The following SRRM4 variants were observed in gnomAD, a reference collection of about 807,000 sequenced individuals.
SRRM4 encodes serine/arginine repetitive matrix 4.
In SRRM4, 33 loss-of-function variants were observed where a neutral mutation model predicts 68.9. The ratio of observed to expected loss-of-function variants is 0.48; its 90% confidence interval spans 0.36 to 0.64. The LOEUF (loss-of-function observed/expected upper bound fraction) is 0.64. Ranked by LOEUF, SRRM4 falls within the 30% of genes least tolerant of loss-of-function variation. SRRM4 has a pLI of 0.00. For missense variants in SRRM4, 817 were observed against 827.1 expected, an observed-to-expected ratio of 0.99 and a Z score of 0.15; for synonymous variants, 318 against 318.8, an observed-to-expected ratio of 1.00 and a Z score of 0.03.
At chr12:119,104,300 T>TC (rs958098117) in intron 2 of SRRM4, among the ~76,000 whole-genome samples, 31 of 152,124 alleles carry the variant, frequency 2.0e-4, no homozygotes, top group African/African-American at 7.5e-4. Flanking sequence ...TCTGAAAAAA[T>TC]GATGCCATGT....
intron 1 of SRRM4, among the ~76,000 whole-genome samples, chr12:119,059,371 C>T (rs766228248): frequency 5.3e-5 from 8 of 152,046 alleles, no homozygotes; most frequent in Admixed American, 3.3e-4. Flanking sequence ...GTTTGTTTCT[C>T]GCTATGTAGT....
In SRRM4 at chr12:119,160,705, A is replaced by G. The variant is rs1223856796; in HGVS notation, c.*3907A>G. On this transcript the variant is annotated 3_prime_UTR_variant, in exon 13 of 13. Coordinates refer to ENST00000267260, the MANE Select transcript of SRRM4 (RefSeq NM_194286.4). ...GAGGGATTTGTGAGATAAAAATTCAAAATGTTGGCCTGAGGCCTGAGAGTG... is the reference window on the plus strand; with the variant it reads ...GAGGGATTTGTGAGATAAAAATTCAGAATGTTGGCCTGAGGCCTGAGAGTG... The G allele has an allele frequency of 3.9e-5, 6 of 152,230 alleles. No individual in the cohort carries two copies. Among genetic ancestry groups the G allele is most frequent in the Non-Finnish European group, 5.9e-5 (4 of 68,042 alleles). 9.4% of individuals were successfully genotyped at this position (152,230 alleles called of 1,614,324 possible).
intron 1 of SRRM4, among the ~76,000 whole-genome samples, chr12:119,029,251 T>C (rs1953570841): frequency 1.3e-5 from 2 of 152,170 alleles, no homozygotes; most frequent in Admixed American, 1.3e-4. Flanking sequence ...ACAAGGACAG[T>C]GATTTCTCCT....
At position 119,157,533 on chromosome 12, in the gene SRRM4, G is replaced by A. The variant is rs1261679552; in HGVS notation, c.*735G>A. ...GCCCAGCAGATCCCAGCTGTGAAGA[G>A]GCCACTGCATGGCTGACACAAAACA... On this transcript the variant is annotated 3_prime_UTR_variant, in exon 13 of 13. Transcript: ENST00000267260. The surrounding 1 kb of genome is among the most constrained non-coding windows in gnomAD (Gnocchi z 4.1). The A allele has an allele frequency of 6.6e-6, 1 of 152,322 alleles. No individual in the cohort carries two copies. Among genetic ancestry groups the A allele is most frequent in the Non-Finnish European group, 1.5e-5 (1 of 68,160 alleles). 9.4% of individuals were successfully genotyped at this position (152,322 alleles called of 1,614,324 possible).
chr12:119,048,967 A>G (rs1372937845), intron 1 of SRRM4, among the ~76,000 whole-genome samples: 1 of 152,206 alleles, frequency 6.6e-6, no homozygotes, highest in Non-Finnish European at 1.5e-5. Context: ...TTGTGAGGAC[A>G]GATTCATTCA....
At position 119,153,607 on chromosome 12, in the gene SRRM4, G is replaced by C. The variant is rs1337262513; in HGVS notation, c.1349G>C (p.Arg450Thr). ...GKRSPPSRSSRSRRSPSYSRY... is the reference protein window; with the variant it reads ...GKRSPPSRSSTSRRSPSYSRY... ...AGGAGCCCGCCCAGCAGAAGCTCTA[G>C]GTCCCGCCGCAGCCCTAGCTACTCC... The change falls in exon 11 of 13, where the codon AGG (arginine) becomes ACG (threonine). Residue 450 changes from arginine (R) to threonine (T), a missense_variant. Coordinates refer to ENST00000267260, the MANE Select transcript of SRRM4 (RefSeq NM_194286.4). 1.3e-6 allele frequency: 2 copies of C among 1,569,402 alleles called. No homozygotes were observed. The highest frequency in any genetic ancestry group is 1.4e-5 in the African/African-American group (1 of 73,534).
chr12:119,044,096 A>C (rs1953689019), intron 1 of SRRM4, among the ~76,000 whole-genome samples: 1 of 152,058 alleles, frequency 6.6e-6, no homozygotes, highest in Non-Finnish European at 1.5e-5. Context: ...CGAACTCCTG[A>C]CCTCAGGTAA....
At chr12:119,003,124 A>G (rs1423447446) in intron 1 of SRRM4, among the ~76,000 whole-genome samples, 3 of 151,818 alleles carry the variant, frequency 2.0e-5, no homozygotes, top group African/African-American at 7.2e-5. Flanking sequence ...CACTGCTACC[A>G]GTTATCTCTA....
At position 119,162,828 on chromosome 12, in the gene SRRM4, C is replaced by T. The variant is rs1954523114; in HGVS notation, c.*6030C>T. 1 of 152,290 alleles carries T rather than the reference C, an allele frequency of 6.6e-6. No individual in the cohort carries two copies. Among genetic ancestry groups the T allele is most frequent in the African/African-American group, 2.4e-5 (1 of 41,460 alleles). 9.4% of individuals were successfully genotyped at this position (152,290 alleles called of 1,614,324 possible). On this transcript the variant is annotated 3_prime_UTR_variant, in exon 13 of 13. Transcript: ENST00000267260. ...GGACCCACCATGAGCCCAGCTCAGC[C>T]TGACCAGACAGCCTCTGCCTGGAGC...
At chr12:119,126,369 G>A (rs573501799) in intron 7 of SRRM4, among the ~76,000 whole-genome samples, 21 of 152,156 alleles carry the variant, frequency 1.4e-4, no homozygotes, top group South Asian at 8.3e-4. Flanking sequence ...CTCTACAACC[G>A]TAACAAGTGG....
intron 1 of SRRM4, among the ~76,000 whole-genome samples, chr12:119,067,924 G>A (rs1019705121): frequency 2.0e-5 from 3 of 152,200 alleles, no homozygotes; most frequent in Non-Finnish European, 4.4e-5. Context: ...TGGCTGGCAT[G>A]TTAGGGCTAA....
At chr12:119,027,993 T>C (rs1953560100) in intron 1 of SRRM4, among the ~76,000 whole-genome samples, 1 of 152,234 alleles carries the variant, frequency 6.6e-6, no homozygotes, top group Non-Finnish European at 1.5e-5. Context: ...TGCATGCAGG[T>C]GCTTTGCACG....
intron 1 of SRRM4, among the ~76,000 whole-genome samples, chr12:119,037,718 C>A (rs1036793620): frequency 6.6e-6 from 1 of 152,190 alleles, no homozygotes; most frequent in Admixed American, 6.5e-5. Flanking sequence ...GCTGAACATT[C>A]GCCGAAGAGA....
rs890043669 is a variant in SRRM4, at chr12:119,160,488, G to A, written c.*3690G>A. The A allele has an allele frequency of 6.6e-6, 1 of 152,040 alleles. No homozygotes were observed. The highest frequency in any genetic ancestry group is 2.4e-5 in the African/African-American group (1 of 41,374). The allele number at this position is 152,040 out of a possible 1,614,324, so 9.4% of individuals were successfully genotyped here. On this transcript the variant is annotated 3_prime_UTR_variant, in exon 13 of 13. Transcript: ENST00000267260. ...CCTTCTGCTTCCAAGGAATATGACAGATCACCAGGATGCTGCTCGTCGTGA... is the reference window on the plus strand; with the variant it reads ...CCTTCTGCTTCCAAGGAATATGACAAATCACCAGGATGCTGCTCGTCGTGA...
chr12:119,127,932 G>A (rs1339239937), intron 7 of SRRM4, among the ~76,000 whole-genome samples: 2 of 152,204 alleles, frequency 1.3e-5, no homozygotes, highest in Middle Eastern at 3.4e-3. Flanking sequence ...TACTTCGGCT[G>A]CCCTTTTCAA....
At chr12:119,128,232 T>C (rs923128619) in intron 7 of SRRM4, among the ~76,000 whole-genome samples, 6 of 152,304 alleles carry the variant, frequency 3.9e-5, no homozygotes, top group Admixed American at 2.6e-4. Flanking sequence ...TGAGCCCAGA[T>C]GAGAACACCG....
rs144503056 is a variant in SRRM4 at position 119,065,826 on chromosome 12, T to C, written c.132-36410T>C. ...ATGGATGGATGGATGGATGGACAGA[T>C]AGATGGATGAGTGGATGGATGGATG... On this transcript the variant is annotated intron_variant, in intron 1 of 12. Transcript: ENST00000267260. Among the ~76,000 whole-genome samples the C allele has an allele frequency of 3.8e-3, 581 of 152,130 alleles. 21 individuals carry two copies. Among genetic ancestry groups the C allele is most frequent in the Admixed American group, 0.034 (527 of 15,276 alleles).
At chr12:119,081,387 G>A (rs545863162) in intron 1 of SRRM4, among the ~76,000 whole-genome samples, 1 of 152,296 alleles carries the variant, frequency 6.6e-6, no homozygotes, top group African/African-American at 2.4e-5. Context: ...GCTATTTGGA[G>A]AAAGAGTGTT....
At chr12:119,073,006 A>G (rs568141495) in intron 1 of SRRM4, among the ~76,000 whole-genome samples, 23 of 152,176 alleles carry the variant, frequency 1.5e-4, no homozygotes, top group South Asian at 6.2e-4. Context: ...GAAATGAGAT[A>G]GGACGAACAG....
Sources: gnomAD v4.1 joint callset for allele counts (sites outside exome capture counted in the v4.1 genomes callset) on GRCh38, gnomAD v4.1.1 for gene constraint, Gnocchi (gnomAD v3.1) non-coding constraint, MANE v1.5 for transcripts, NCBI Gene and HGNC (gene_info 2026-07-23, HGNC 2026-07-21) for gene names.